FGG: variants seen among roughly 807,000 people sequenced by gnomAD.
FGG encodes fibrinogen gamma chain.
In FGG, 20 loss-of-function variants were observed where a neutral mutation model predicts 51.7. The ratio of observed to expected loss-of-function variants is 0.39; its 90% confidence interval spans 0.27 to 0.56. The LOEUF is 0.56. Ranked by LOEUF, FGG falls within the 20% of genes least tolerant of loss-of-function variation. The probability of loss-of-function intolerance (pLI) is 0.64; values close to 1 mark genes in which losing one functional copy is unlikely to be tolerated. For synonymous variants in FGG, 184 were observed against 184.7 expected, an observed-to-expected ratio of 1.00 and a Z score of 0.03; for missense variants, 460 against 534.2, an observed-to-expected ratio of 0.86 and a Z score of 1.37.
At position 154,604,837 on chromosome 4, in the gene FGG, C is replaced by A. The variant is rs1731067543; in HGVS notation, c.1359G>T (p.Leu453Phe). ...EYDSLYPEDDL is the reference protein window; with the variant it reads ...EYDSLYPEDDF The stretch of plus-strand genomic sequence containing the variant: ...ATAGAAGTTAGCAGTTAATTTTCTA[C>A]AAATCATCCTCAGGGTAAAGTGAGT... The change falls in exon 9 of 9, where the codon TTG (leucine) becomes TTT (phenylalanine). Residue 453 changes from leucine to phenylalanine, a missense_variant. By Grantham distance (22) the Leu-to-Phe change is conservative (BLOSUM62 0). Coordinates refer to ENST00000336098, the MANE Select transcript of FGG (RefSeq NM_021870.3). 2 of 1,613,818 alleles carry A rather than the reference C, an allele frequency of 1.2e-6. No individual in the cohort carries two copies. Among genetic ancestry groups the A allele is most frequent in the South Asian group, 2.2e-5 (2 of 91,074 alleles).
intron 7 of FGG, among the ~76,000 whole-genome samples, chr4:154,608,016 C>T (rs1313254256): frequency 6.6e-6 from 1 of 152,140 alleles, no homozygotes; most frequent in Non-Finnish European, 1.5e-5. Context: ...ATTTGCTTTT[C>T]AACCAGGATA....
chr4:154,609,956 A>T, intron 5 of FGG, 111 bp downstream of exon 5: 1 of 1,537,990 alleles, frequency 6.5e-7, no homozygotes, highest in Non-Finnish European at 9.0e-7. Flanking sequence ...AAATTCTTAG[A>T]CTTAATGGGT....
chr4:154,609,741 C>G lies in FGG; in HGVS notation c.555G>C (p.Lys185Asn). 1 of 1,613,984 alleles carries G rather than the reference C, an allele frequency of 6.2e-7. No individual in the cohort carries two copies. Among genetic ancestry groups the G allele is most frequent in the Non-Finnish European group, 8.5e-7 (1 of 1,179,930 alleles). ...AGTAAAGCCCGCTCTGTTTAGCTCC[C>G]TTATTGGCAATGTCTTGACAATCTA... ...TGKDCQDIANKGAKQSGLYFI... is the reference protein window; with the variant it reads ...TGKDCQDIANNGAKQSGLYFI... Residue 185 changes from lysine to asparagine, a missense_variant, in exon 6 of 9, where the codon AAG (lysine) becomes AAC (asparagine). This residue lies in a region of FGG where 353 missense variants were observed against 391.7 expected (regional missense o/e 0.90). Transcript: ENST00000336098.
At position 154,605,696 on chromosome 4, in the gene FGG, G is replaced by C. The variant is rs533251416; in HGVS notation, c.1130-630C>G. Reference sequence around the variant, plus strand: ...CCTTAGAGTTTCTTCTCATTATGTGGTTTGTGAGTGCAAAGATAAGTTATG... The same window carrying C: ...CCTTAGAGTTTCTTCTCATTATGTGCTTTGTGAGTGCAAAGATAAGTTATG... On this transcript the variant is annotated intron_variant, in intron 8 of 8. Coordinates refer to ENST00000336098, the MANE Select transcript of FGG (RefSeq NM_021870.3). Among the ~76,000 whole-genome samples, 3 of 152,214 alleles carry C rather than the reference G, an allele frequency of 2.0e-5. No homozygotes were observed. In the East Asian group the frequency reaches 5.8e-4, roughly 29 times the overall value.
At chr4:154,605,782 T>A (rs1394887755) in intron 8 of FGG, among the ~76,000 whole-genome samples, 1 of 152,110 alleles carries the variant, frequency 6.6e-6, no homozygotes, top group Non-Finnish European at 1.5e-5. Flanking sequence ...CTGTGCAAAG[T>A]TTCCTAGTTG....
chr4:154,608,934 T>G (rs914516344), intron 6 of FGG, among the ~76,000 whole-genome samples: 1 of 152,204 alleles, frequency 6.6e-6, no homozygotes, highest in Non-Finnish European at 1.5e-5. Context: ...AAAAGACACC[T>G]AGACGACTTC....
chr4:154,612,616 T>G lies in FGG; in HGVS notation c.-7A>C. 1 of 1,613,628 alleles carries G rather than the reference T, an allele frequency of 6.2e-7. No homozygotes were observed. On this transcript the variant is annotated 5_prime_UTR_variant, in exon 1 of 9. Transcript: ENST00000336098. ...GGTGCAAGGACCAACTCATGATGTC[T>G]GAGTGCCCGGAGCTCCGAGCCTTGT... is the stretch of plus-strand genomic sequence containing the variant.
At chr4:154,609,501 G>A (rs1048465662) in intron 6 of FGG, 129 bp downstream of exon 6, 22 of 1,134,974 alleles carry the variant, frequency 1.9e-5, no homozygotes, top group African/African-American at 1.8e-4. Flanking sequence ...AGTAACAGAA[G>A]TACCTTCCTC....
rs1731223591 is a variant in FGG, at chr4:154,611,999, G to A, written c.307+19C>T. ...GATTATTATTATTATTTTTTGGTCA[G>A]TAGTCTTTATTTTCTCACTTGGTTT... On this transcript the variant is annotated intron_variant, in intron 3 of 8. Transcript: ENST00000336098. The A allele has an allele frequency of 6.2e-7, 1 of 1,611,460 alleles. No individual in the cohort carries two copies.
intron 8 of FGG, 110 bp from the exon 9 acceptor site, chr4:154,605,176 A>G: frequency 9.5e-7 from 1 of 1,049,478 alleles, no homozygotes; most frequent in Non-Finnish European, 1.4e-6. Flanking sequence ...TAAAATTTAT[A>G]GTATTATCTG....
At chr4:154,610,269 A>G (rs769197449) in intron 4 of FGG, 72 bp from the exon 5 acceptor site, 12 of 1,245,748 alleles carry the variant, frequency 9.6e-6, no homozygotes, top group Non-Finnish European at 1.3e-5. Context: ...GAGTAATTTT[A>G]TATTTTCTTT....
rs911014896 is a variant in FGG, at chr4:154,608,083, C to T, written c.851+383G>A. ...TACTTGAGTCTGAATTCTACCTCTA[C>T]CACTTATCAGCAATGTGACTTTGAG... On this transcript the variant is annotated intron_variant, in intron 7 of 8. Transcript: ENST00000336098. Among the ~76,000 whole-genome samples, 6 of 152,152 alleles carry T rather than the reference C, an allele frequency of 3.9e-5. No homozygotes were observed. The South Asian group carries it at 1.2e-3, about 31-fold the overall frequency.
In FGG at chr4:154,604,586, G is replaced by A. The variant is rs1242556416; in HGVS notation, c.*248C>T. 10 of 1,206,080 alleles carry A rather than the reference G, an allele frequency of 8.3e-6. No homozygotes were observed. The highest frequency in any genetic ancestry group is 3.0e-4 in the Middle Eastern group (1 of 3,388). The allele number at this position is 1,206,080 out of a possible 1,614,324, so 74.7% of individuals were successfully genotyped here. A position where few individuals can be genotyped will look rare whatever the true frequency, so the allele number is the denominator to read the frequency against. ...AAGTGGTCATAAAAATGCAAATAAA[G>A]TCAATCATTTTATTATTATATATTT... is the stretch of plus-strand genomic sequence containing the variant. On this transcript the variant is annotated 3_prime_UTR_variant, in exon 9 of 9. Coordinates refer to ENST00000336098, the MANE Select transcript of FGG (RefSeq NM_021870.3).
Position 154,604,972 on chromosome 4 carries a change from G to A in FGG, c.1224C>T (p.Thr408=). The A allele has an allele frequency of 6.2e-7, 1 of 1,613,932 alleles. No individual in the cohort carries two copies. Among genetic ancestry groups the A allele is most frequent in the Non-Finnish European group, 8.5e-7 (1 of 1,179,958 alleles). ...TGTTGAATGGGATTATCTTCATAGT[G>A]GTTTTCTTCATGGAATACCACCGGG... ...WKTRWYSMKK[T]TMKIIPFNRL... Residue 408 remains threonine (T), a synonymous_variant, in exon 9 of 9, where the codon ACC becomes ACT. Transcript: ENST00000336098.
intron 4 of FGG, among the ~76,000 whole-genome samples, chr4:154,610,851 C>A (rs529733436): frequency 6.6e-6 from 1 of 152,250 alleles, no homozygotes; most frequent in African/African-American, 2.4e-5. Context: ...TAAAAACCCT[C>A]CTTTTGTAGT....
intron 4 of FGG, chr4:154,611,253 A>G (rs948434346): frequency 6.6e-6 from 1 of 152,374 alleles, no homozygotes; most frequent in African/African-American, 2.4e-5. Flanking sequence ...AAGCTTTAAC[A>G]GAGACATTCA....
At chr4:154,610,873 TG>T (rs1425504848) in intron 4 of FGG, among the ~76,000 whole-genome samples, 1 of 152,134 alleles carries the variant, frequency 6.6e-6, no homozygotes, top group Non-Finnish European at 1.5e-5. Context: ...ACTTACAGGG[TG>T]GCTTGCAAAT....
chr4:154,611,995 G>A (rs1004867717), intron 3 of FGG, 23 bp downstream of exon 3: 11 of 1,610,858 alleles, frequency 6.8e-6, no homozygotes, highest in Non-Finnish European at 9.3e-6. Flanking sequence ...TTATTTTTTG[G>A]TCAGTAGTCT....
At chr4:154,609,591 T>C (rs763818068) in intron 6 of FGG, 39 bp downstream of exon 6, 3 of 1,612,490 alleles carry the variant, frequency 1.9e-6, no homozygotes, top group Middle Eastern at 1.7e-4. Flanking sequence ...AGAAACAATG[T>C]AGGAATTTAT....
Sources: gnomAD v4.1 joint callset for allele counts (sites outside exome capture counted in the v4.1 genomes callset) on GRCh38, gnomAD v4.1.1 for gene constraint, gnomAD v4.1.1 regional missense constraint, MANE v1.5 for transcripts, NCBI Gene and HGNC (gene_info 2026-07-23, HGNC 2026-07-21) for gene names.